Variants in C12orf42 observed in about 807,000 individuals in gnomAD.
C12orf42 encodes uncharacterized protein C12orf42.
A neutral mutation model predicts 21.6 loss-of-function variants in C12orf42; 25 were observed. The observed-to-expected ratio is 1.16, with a 90% CI of 0.84 to 1.62. The LOEUF is 1.62. Ranked by LOEUF, C12orf42 falls within the 40% of genes most tolerant of loss-of-function variation. The pLI is 0.00. For synonymous variants in C12orf42, 174 were observed against 175.0 expected (o/e 0.99, Z 0.05); for missense variants, 483 against 459.3 (o/e 1.05, Z -0.47).
chr12:103,395,395 G>A (rs2047435889), intron 3 of C12orf42, among the ~76,000 whole-genome samples: 1 of 151,186 alleles, frequency 6.6e-6, no homozygotes, highest in Admixed American at 6.6e-5. Context: ...GAGTGCAGTG[G>A]GGTGATCTCC....
At chr12:103,253,397 A>G (rs2034402619) in intron 10 of C12orf42, among the ~76,000 whole-genome samples, 1 of 152,222 alleles carries the variant, frequency 6.6e-6, no homozygotes, top group African/African-American at 2.4e-5. Flanking sequence ...TACTTTGGAC[A>G]GTATGGGCAT....
At chr12:103,413,083 G>T (rs2048986795) in intron 2 of C12orf42, among the ~76,000 whole-genome samples, 1 of 152,138 alleles carries the variant, frequency 6.6e-6, no homozygotes. Context: ...GGATTTTTAT[G>T]GTTTGAGCTG....
chr12:103,281,829 A>T (rs1266052858), intron 4 of C12orf42, among the ~76,000 whole-genome samples: 1 of 151,990 alleles, frequency 6.6e-6, no homozygotes, highest in East Asian at 1.9e-4. Flanking sequence ...CTAGTGTGAA[A>T]AAAAAGCACA....
At chr12:103,225,228 A>AC in the C12orf42 span, among the ~76,000 whole-genome samples, 3 of 152,330 alleles carry the variant, frequency 2.0e-5, no homozygotes, top group Non-Finnish European at 4.4e-5. Flanking sequence ...TGGGTTGGGC[A>AC]CCACAGGGTG....
At chr12:103,367,632 G>C (rs895024535) in intron 4 of C12orf42, among the ~76,000 whole-genome samples, 1 of 151,776 alleles carries the variant, frequency 6.6e-6, no homozygotes, top group Admixed American at 6.6e-5. Flanking sequence ...AATATTGAAG[G>C]ATTCTCAAGA....
At chr12:103,222,340 T>C in the C12orf42 span, among the ~76,000 whole-genome samples, 1 of 151,182 alleles carries the variant, frequency 6.6e-6, no homozygotes, top group African/African-American at 2.4e-5. Flanking sequence ...TCAGTGGGGG[T>C]GCTTTTTGAG....
intron 4 of C12orf42, among the ~76,000 whole-genome samples, chr12:103,287,807 A>G (rs1219694714): frequency 6.6e-6 from 1 of 151,114 alleles, no homozygotes; most frequent in Admixed American, 6.6e-5. Context: ...AGAGAGAGAA[A>G]GAGAGAGAGA....
the C12orf42 span, among the ~76,000 whole-genome samples, chr12:103,146,540 A>G: frequency 6.8e-6 from 1 of 147,258 alleles, no homozygotes; most frequent in Non-Finnish European, 1.5e-5. Flanking sequence ...AAAGAAAGAA[A>G]GAAAGAGAAA....
chr12:103,368,061 T>C (rs1348675365), intron 4 of C12orf42: 1 of 1,285,202 alleles, frequency 7.8e-7, no homozygotes, highest in East Asian at 5.6e-5. Context: ...GGTAGTAAAT[T>C]GGACAGGCAC....
At chr12:103,547,398 T>C in the C12orf42 span, among the ~76,000 whole-genome samples, 1 of 152,340 alleles carries the variant, frequency 6.6e-6, no homozygotes, top group African/African-American at 2.4e-5. Context: ...AGAAAAGCCC[T>C]GAATAGTGTC....
At chr12:103,156,014 T>C in the C12orf42 span, 2 of 151,860 alleles carry the variant, frequency 1.3e-5, no homozygotes, top group Non-Finnish European at 1.5e-5. Context: ...AATATTATTT[T>C]ATATTAATCA....
At chr12:103,056,848 T>C in the C12orf42 span, among the ~76,000 whole-genome samples, 1 of 152,204 alleles carries the variant, frequency 6.6e-6, no homozygotes, top group Non-Finnish European at 1.5e-5. Flanking sequence ...CCCTATTTCT[T>C]TTCTGTGAGT....
At chr12:103,266,758 T>C (rs1220889116), downstream of C12orf42, among the ~76,000 whole-genome samples, 1 of 152,156 alleles carries the variant, frequency 6.6e-6, no homozygotes, top group Non-Finnish European at 1.5e-5. Context: ...AGAGTATTTT[T>C]AGATTAAAGA....
the C12orf42 span, among the ~76,000 whole-genome samples, chr12:103,196,102 C>G: frequency 6.6e-6 from 1 of 152,104 alleles, no homozygotes; most frequent in Non-Finnish European, 1.5e-5. Flanking sequence ...ACTGTGTTAG[C>G]AGTATCCCAA....
intron 10 of C12orf42, among the ~76,000 whole-genome samples, chr12:103,261,923 T>C (rs1305137891): frequency 1.3e-5 from 2 of 152,210 alleles, no homozygotes; most frequent in Non-Finnish European, 2.9e-5. Context: ...AGCAAATAGC[T>C]GAGCTGAAGG....
At chr12:103,133,757 G>A in the C12orf42 span, among the ~76,000 whole-genome samples, 267 of 152,326 alleles carry the variant, frequency 1.8e-3, 2 homozygotes, top group Non-Finnish European at 3.0e-3. Context: ...CACGTGTGGT[G>A]GAAGGGATGC....
the C12orf42 span, chr12:103,550,546 C>G: frequency 6.6e-6 from 1 of 152,148 alleles, no homozygotes; most frequent in Non-Finnish European, 1.5e-5. Flanking sequence ...ATACAAGCCT[C>G]TGCTGATGAA....
At chr12:103,206,093 C>G in the C12orf42 span, among the ~76,000 whole-genome samples, 1 of 152,202 alleles carries the variant, frequency 6.6e-6, no homozygotes, top group Non-Finnish European at 1.5e-5. Context: ...CACCCTCTAT[C>G]AGGGTTTGCC....
At chr12:103,261,798 G>A (rs1334796797) in intron 10 of C12orf42, among the ~76,000 whole-genome samples, 1 of 151,942 alleles carries the variant, frequency 6.6e-6, no homozygotes, top group Non-Finnish European at 1.5e-5. Flanking sequence ...AAATGACAAA[G>A]AATAAAATAA....
Sources: allele counts gnomAD v4.1 joint callset (sites outside exome capture counted in the v4.1 genomes callset), GRCh38; gene constraint gnomAD v4.1.1; transcripts MANE v1.5; gene names NCBI Gene and HGNC (gene_info 2026-07-23, HGNC 2026-07-21).